HS1BP3: variants seen among roughly 807,000 people sequenced by gnomAD.
HS1BP3 encodes the protein HCLS1-binding protein 3.
HS1BP3 carries 32 observed loss-of-function variants against 33.5 expected under a neutral mutation model. The ratio of observed to expected loss-of-function variants is 0.95; its 90% confidence interval spans 0.72 to 1.28. HS1BP3 has a LOEUF of 1.28. HS1BP3 is among the 50% of genes most tolerant of loss of function. The pLI is 0.00. For synonymous variants in HS1BP3, 187 were observed against 209.2 expected (o/e 0.89, Z 0.92); for missense variants, 486 against 502.3 (o/e 0.97, Z 0.31).
intron 5 of HS1BP3, among the ~76,000 whole-genome samples, chr2:20,578,145 C>G (rs1693445782): frequency 1.3e-5 from 2 of 152,334 alleles, no homozygotes; most frequent in South Asian, 2.1e-4. Flanking sequence ...AGGAAGCAGG[C>G]TCACGTGGCT....
At chr2:20,639,902 G>C (rs181311790) in intron 3 of HS1BP3, 2 of 152,250 alleles carry the variant, frequency 1.3e-5, no homozygotes, top group African/African-American at 4.8e-5. Context: ...TGTGACCTTG[G>C]AACAACAAGG....
chr2:20,602,767 G>C (rs534392890), intron 2 of HS1BP3, among the ~76,000 whole-genome samples: 8 of 152,164 alleles, frequency 5.3e-5, no homozygotes, highest in African/African-American at 1.9e-4. Context: ...GTGCTTCAAA[G>C]GCCACTATCA....
chr2:20,641,714 C>G (rs1695356186), intron 2 of HS1BP3, among the ~76,000 whole-genome samples: 1 of 152,214 alleles, frequency 6.6e-6, no homozygotes, highest in East Asian at 1.9e-4. Context: ...CACGCAGGCA[C>G]CCGAGTCAAG....
chr2:20,628,201 C>T (rs1694849074), intron 4 of HS1BP3, among the ~76,000 whole-genome samples: 1 of 152,236 alleles, frequency 6.6e-6, no homozygotes, highest in Non-Finnish European at 1.5e-5. Context: ...GAGAACCTCC[C>T]ACCTGCAAGA....
intron 3 of HS1BP3, among the ~76,000 whole-genome samples, chr2:20,596,487 C>A (rs1339633752): frequency 6.6e-6 from 1 of 152,196 alleles, no homozygotes; most frequent in African/African-American, 2.4e-5. Flanking sequence ...CATGTGAGGA[C>A]ATGGTGAGAA....
In HS1BP3 at chr2:20,623,801, G is replaced by A. The variant is rs112904885; in HGVS notation, c.920+95C>T. The A allele has an allele frequency of 5.0e-6, 7 of 1,391,194 alleles. No homozygotes were observed. In the African/African-American group the frequency reaches 7.3e-5, roughly 14 times the overall value. 86.2% of individuals were successfully genotyped at this position (1,391,194 alleles called of 1,614,324 possible). A position where few individuals can be genotyped will look rare whatever the true frequency, so the allele number is the denominator to read the frequency against. ...ACAGGCCTGGGGTCCTCCCCTCAGA[G>A]GAGGCTGGGGCTGAGACTGGGCAAT... On this transcript the variant is annotated intron_variant, in intron 6 of 6. Coordinates refer to ENST00000304031, the MANE Select transcript of HS1BP3 (RefSeq NM_022460.4).
At chr2:20,564,864 T>C (rs995390340) in intron 5 of HS1BP3, among the ~76,000 whole-genome samples, 1 of 152,196 alleles carries the variant, frequency 6.6e-6, no homozygotes, top group South Asian at 2.1e-4. Context: ...TGCCACACTG[T>C]ATGGAAAAGG....
intron 2 of HS1BP3, 142 bp downstream of exon 2, chr2:20,645,198 G>A (rs1315176217): frequency 2.7e-6 from 2 of 750,188 alleles, no homozygotes; most frequent in Non-Finnish European, 4.3e-6. Flanking sequence ...TGTCTAGCAT[G>A]GTCTGGTACT....
At chr2:20,554,973 C>G in the HS1BP3 span, among the ~76,000 whole-genome samples, 1 of 152,230 alleles carries the variant, frequency 6.6e-6, no homozygotes, top group African/African-American at 2.4e-5. Context: ...GCCCAGCATC[C>G]TGCCCTTCTG....
At position 20,628,227 on chromosome 2, in the gene HS1BP3, G is replaced by A. The variant is rs185763362; in HGVS notation, c.624-3335C>T. On this transcript the variant is annotated intron_variant, in intron 4 of 6. Transcript: ENST00000304031. ...ACCTGCAAGAACCTGTGCTGGGGAC[G>A]AGGGAACAAAGATGAGGACGAGCCG... is the stretch of plus-strand genomic sequence containing the variant. Among the ~76,000 whole-genome samples the A allele has an allele frequency of 3.7e-4, 56 of 152,302 alleles. 2 individuals are homozygous for A. Among genetic ancestry groups the A allele is most frequent in the Non-Finnish European group, 4.1e-4 (28 of 68,032 alleles).
At position 20,651,030 on chromosome 2, in the gene HS1BP3, A is replaced by G. The variant is rs1695680312; in HGVS notation, c.32+2T>C. Reference sequence around the variant, plus strand: ...GGTGTGGGGCGCGGGGGTCTGGCTCACCTGGAGGTGACGAGCACCGCCGGG... The same window carrying G: ...GGTGTGGGGCGCGGGGGTCTGGCTCGCCTGGAGGTGACGAGCACCGCCGGG... On this transcript the variant is annotated splice_donor_variant, in intron 1 of 6. Coordinates refer to ENST00000304031, the MANE Select transcript of HS1BP3 (RefSeq NM_022460.4). LOFTEE classifies it high-confidence loss of function. 7 of 1,240,292 alleles carry G rather than the reference A, an allele frequency of 5.6e-6. No individual in the cohort carries two copies. The highest frequency in any genetic ancestry group is 7.0e-6 in the Non-Finnish European group (7 of 992,912). The allele number at this position is 1,240,292 out of a possible 1,614,324, so 76.8% of individuals were successfully genotyped here.
chr2:20,634,016 GC>G (rs770736920), intron 4 of HS1BP3, among the ~76,000 whole-genome samples: 18 of 152,224 alleles, frequency 1.2e-4, no homozygotes, highest in South Asian at 2.1e-4. Flanking sequence ...GTGAGGTCGG[GC>G]CCAGCCATCC....
intron 5 of HS1BP3, among the ~76,000 whole-genome samples, chr2:20,562,158 A>G (rs543331088): frequency 1.3e-5 from 2 of 152,102 alleles, no homozygotes; most frequent in Non-Finnish European, 2.9e-5. Flanking sequence ...CCGACTGTTC[A>G]TTGGACTCCT....
intron 3 of HS1BP3, among the ~76,000 whole-genome samples, chr2:20,596,872 T>C (rs1021427453): frequency 2.6e-5 from 4 of 152,138 alleles, no homozygotes; most frequent in Non-Finnish European, 5.9e-5. Context: ...TGGACCCTCA[T>C]AGGTACCCCA....
intron 3 of HS1BP3, chr2:20,640,681 G>A (rs772433932): frequency 7.3e-5 from 42 of 576,094 alleles, no homozygotes; most frequent in Admixed American, 9.0e-5. Context: ...GGGGGGTGTC[G>A]GGCAAGCTCT....
intron 5 of HS1BP3, among the ~76,000 whole-genome samples, chr2:20,575,403 ACT>A (rs1693374846): frequency 6.6e-6 from 1 of 151,872 alleles, no homozygotes. Context: ...CCATCAGCTG[ACT>A]CTGACAATCA....
chr2:20,572,804 T>G (rs1449364442), intron 5 of HS1BP3, among the ~76,000 whole-genome samples: 1 of 152,160 alleles, frequency 6.6e-6, no homozygotes, highest in East Asian at 1.9e-4. Flanking sequence ...TGCTCAGGAA[T>G]CTGTGGACAG....
intron 6 of HS1BP3, 129 bp downstream of exon 6, chr2:20,623,767 C>G (rs1694678237): frequency 9.1e-7 from 1 of 1,101,312 alleles, no homozygotes; most frequent in Admixed American, 3.4e-5. Context: ...CCACAGGCTT[C>G]TACTTTTCAC....
At chr2:20,592,003 C>T (rs1215125064), downstream of HS1BP3, among the ~76,000 whole-genome samples, 3 of 152,176 alleles carry the variant, frequency 2.0e-5, no homozygotes, top group African/African-American at 4.8e-5. Context: ...AAGGACAGAA[C>T]AGCCCCAGCA....
Sources: gnomAD v4.1 joint callset for allele counts (sites outside exome capture counted in the v4.1 genomes callset) on GRCh38, gnomAD v4.1.1 for gene constraint, MANE v1.5 for transcripts, NCBI Gene and HGNC (gene_info 2026-07-23, HGNC 2026-07-21) for gene names.